The following SLC30A6 variants were observed in gnomAD, a reference collection of about 807,000 sequenced individuals.
SLC30A6 encodes solute carrier family 30 member 6.
Under a neutral mutation model 63.0 loss-of-function variants are expected in SLC30A6, and 55 were observed. The ratio of observed to expected loss-of-function variants is 0.87; its 90% confidence interval spans 0.70 to 1.09. The LOEUF (loss-of-function observed/expected upper bound fraction) is 1.09, where lower values mean the gene tolerates loss of function less well. SLC30A6 is among the 50% of genes least tolerant of loss of function. The pLI is 0.00. For missense variants in SLC30A6, 587 were observed against 549.2 expected (o/e 1.07, Z -0.69); for synonymous variants, 224 against 186.1 (o/e 1.20, Z -1.66).
chr2:32,202,945 T>G, intron 10 of SLC30A6: 1 of 1,135,554 alleles, frequency 8.8e-7, no homozygotes, highest in East Asian at 2.3e-5. Context: ...GGAGATGTCC[T>G]TCAAGTCTAC....
At position 32,223,695 on chromosome 2, in the gene SLC30A6, G is replaced by C. The variant is rs1686263685; in HGVS notation, c.*2982G>C. On this transcript the variant is annotated 3_prime_UTR_variant, in exon 14 of 14. Coordinates refer to ENST00000282587, the MANE Select transcript of SLC30A6 (RefSeq NM_017964.5). ...TGAACCACAGCCTAACACCATTTAG[G>C]TTTTTGTGTTTTTTTCAGGCTTGCC... The C allele has an allele frequency of 6.6e-6, 1 of 152,104 alleles. No homozygotes were observed. 9.4% of individuals were successfully genotyped at this position (152,104 alleles called of 1,614,324 possible).
chr2:32,187,459 A>G (rs1030072237), intron 5 of SLC30A6, among the ~76,000 whole-genome samples: 1 of 152,238 alleles, frequency 6.6e-6, no homozygotes, highest in African/African-American at 2.4e-5. Flanking sequence ...GTGTAAGGAC[A>G]TGACAGCTCC....
At chr2:32,200,298 A>G (rs1161677339) in intron 10 of SLC30A6, among the ~76,000 whole-genome samples, 1 of 151,942 alleles carries the variant, frequency 6.6e-6, no homozygotes, top group Non-Finnish European at 1.5e-5. Context: ...TGATCATTCA[A>G]AATTGCTAGT....
At chr2:32,200,712 ACT>A (rs1354425375) in intron 10 of SLC30A6, among the ~76,000 whole-genome samples, 1 of 151,476 alleles carries the variant, frequency 6.6e-6, no homozygotes, top group Non-Finnish European at 1.5e-5. Context: ...GGACACAAAC[ACT>A]CTGCCTAGGA....
Position 32,206,831 on chromosome 2 carries a change from T to C in SLC30A6, c.769-55T>C, listed in dbSNP as rs367958197. On this transcript the variant is annotated intron_variant, in intron 11 of 13. Transcript: ENST00000282587. ...TTGGGGAGGGGGTTCAGGACCATTG[T>C]TGGCAAACTTTTTTCCTTCCCCCAT... is the stretch of plus-strand genomic sequence containing the variant. 2.6e-3 allele frequency: 3,794 copies of C among 1,435,340 alleles called. 120 individuals carry two copies. In the South Asian group the frequency reaches 0.041, roughly 16 times the overall value. 88.9% of individuals were successfully genotyped at this position (1,435,340 alleles called of 1,614,324 possible).
At chr2:32,176,852 A>G (rs1386796926) in intron 4 of SLC30A6, among the ~76,000 whole-genome samples, 1 of 151,262 alleles carries the variant, frequency 6.6e-6, no homozygotes. Context: ...AGCTCACTGC[A>G]ACCTTCGCCT....
intron 1 of SLC30A6, 101 bp downstream of exon 1, chr2:32,166,004 G>C: frequency 2.6e-6 from 4 of 1,546,604 alleles, no homozygotes; most frequent in Non-Finnish European, 3.6e-6. Context: ...CCAGAGGAGG[G>C]GTCATTGGAG....
chr2:32,187,239 C>T (rs1204578527), intron 5 of SLC30A6: 3 of 470,868 alleles, frequency 6.4e-6, no homozygotes, highest in Non-Finnish European at 1.3e-5. Flanking sequence ...GACCTTAATT[C>T]ACACCTTCTC....
Position 32,221,044 on chromosome 2 carries a change from T to G in SLC30A6, c.*331T>G. On this transcript the variant is annotated 3_prime_UTR_variant, in exon 14 of 14. Coordinates refer to ENST00000282587, the MANE Select transcript of SLC30A6 (RefSeq NM_017964.5). ...ACTTGATGGAGTAGATCTGTCACAT[T>G]ACTAAGATACGATATTTCTTTTTTT... 1 of 234,142 alleles carries G rather than the reference T, an allele frequency of 4.3e-6. No homozygotes were observed. 14.5% of individuals were successfully genotyped at this position (234,142 alleles called of 1,614,324 possible).
chr2:32,204,569 A>G (rs1285350100), intron 10 of SLC30A6, 21 bp from the exon 11 acceptor site: 1 of 1,536,758 alleles, frequency 6.5e-7, no homozygotes, highest in Non-Finnish European at 9.0e-7. Context: ...TTTAAAATTT[A>G]GAATTGTTTT....
chr2:32,171,696 A>AT (rs11324818), intron 2 of SLC30A6, among the ~76,000 whole-genome samples: 53 of 146,924 alleles, frequency 3.6e-4, no homozygotes, highest in South Asian at 1.5e-3. Context: ...TCTTTTATTT[A>AT]TTTTTTTTTT....
intron 1 of SLC30A6, among the ~76,000 whole-genome samples, chr2:32,169,209 TCTGTTGCCCAG>T (rs1680952832): frequency 6.6e-6 from 1 of 152,160 alleles, no homozygotes; most frequent in South Asian, 2.1e-4. Flanking sequence ...GGGGTCTCGC[TCTGTTGCCCAG>T]GCTTGAGTAA....
In SLC30A6 at chr2:32,197,312, A is replaced by C. The variant is rs370735155; in HGVS notation, c.497-32A>C. 2.5e-6 allele frequency: 4 copies of C among 1,579,392 alleles called. No individual in the cohort carries two copies. In the African/African-American group the frequency reaches 5.5e-5, roughly 22 times the overall value. On this transcript the variant is annotated intron_variant, in intron 8 of 13. Transcript: ENST00000282587. The stretch of plus-strand genomic sequence containing the variant: ...TCAGGTAGTGGTTTTTTTTTCTTCT[A>C]TATAGATAATTTAAGTATTTTCTTC...
chr2:32,196,000 C>A (rs1325304759), intron 8 of SLC30A6, among the ~76,000 whole-genome samples: 1 of 151,934 alleles, frequency 6.6e-6, no homozygotes, highest in African/African-American at 2.4e-5. Flanking sequence ...GCCTGGGAAA[C>A]ATAGCAAGAC....
At chr2:32,207,187 A>AT (rs1684844884) in intron 12 of SLC30A6, among the ~76,000 whole-genome samples, 1 of 151,956 alleles carries the variant, frequency 6.6e-6, no homozygotes, top group African/African-American at 2.4e-5. Flanking sequence ...TATAAATGCT[A>AT]TGATTTTTAT....
chr2:32,206,850 C>T, intron 11 of SLC30A6, 36 bp from the exon 12 acceptor site: 10 of 1,571,364 alleles, frequency 6.4e-6, no homozygotes, highest in Non-Finnish European at 7.9e-6. Flanking sequence ...TTTTTTCCTT[C>T]CCCCATTATT....
At position 32,223,624 on chromosome 2, in the gene SLC30A6, C is replaced by T. The variant is rs1686258354; in HGVS notation, c.*2911C>T. On this transcript the variant is annotated 3_prime_UTR_variant, in exon 14 of 14. Transcript: ENST00000282587. Reference sequence around the variant, plus strand: ...CCTCAACATACAGGCCAAGCGTTACCTACACCAACACCCAAGCCATTAATT... The same window carrying T: ...CCTCAACATACAGGCCAAGCGTTACTTACACCAACACCCAAGCCATTAATT... 6.6e-6 allele frequency: 1 copy of T among 152,206 alleles called. No homozygotes were observed. The highest frequency in any genetic ancestry group is 2.4e-5 in the African/African-American group (1 of 41,438). 9.4% of individuals were successfully genotyped at this position (152,206 alleles called of 1,614,324 possible).
At chr2:32,210,231 G>A (rs1197596545) in intron 13 of SLC30A6, among the ~76,000 whole-genome samples, 2 of 152,072 alleles carry the variant, frequency 1.3e-5, no homozygotes, top group Non-Finnish European at 2.9e-5. Context: ...GAGATCACGG[G>A]CTGGGCGTGG....
intron 1 of SLC30A6, among the ~76,000 whole-genome samples, chr2:32,169,679 G>C (rs530538163): frequency 3.9e-5 from 6 of 152,262 alleles, no homozygotes; most frequent in South Asian, 2.1e-4. Flanking sequence ...CTCCTTCACC[G>C]CAGAATGGGG....
Sources: gnomAD v4.1 joint callset for allele counts (sites outside exome capture counted in the v4.1 genomes callset) on GRCh38, gnomAD v4.1.1 for gene constraint, MANE v1.5 for transcripts, NCBI Gene and HGNC (gene_info 2026-07-23, HGNC 2026-07-21) for gene names.